PRELID2: variants seen among roughly 807,000 people sequenced by gnomAD.
The protein encoded by PRELID2 is PRELI domain containing 2, also known as PRELI domain-containing protein 2.
PRELID2 carries 25 observed loss-of-function variants against 28.4 expected under a neutral mutation model. The observed-to-expected ratio is 0.88, with a 90% CI of 0.64 to 1.23. The LOEUF (loss-of-function observed/expected upper bound fraction) is 1.23. PRELID2 is among the 50% of genes most tolerant of loss of function. The probability of loss-of-function intolerance (pLI) is 0.00; values close to 1 mark genes in which losing one functional copy is unlikely to be tolerated. For synonymous variants in PRELID2, 76 were observed against 71.6 expected, an observed-to-expected ratio of 1.06 and a Z score of -0.31; for missense variants, 201 against 214.4, an observed-to-expected ratio of 0.94 and a Z score of 0.39.
chr5:145,257,809 T>C, the PRELID2 span, among the ~76,000 whole-genome samples: 2 of 152,146 alleles, frequency 1.3e-5, no homozygotes, highest in African/African-American at 4.8e-5. Flanking sequence ...GCATATAATA[T>C]GGTTTTCATA....
chr5:145,403,352 A>G, the PRELID2 span, among the ~76,000 whole-genome samples: 1 of 152,236 alleles, frequency 6.6e-6, no homozygotes, highest in African/African-American at 2.4e-5. Flanking sequence ...AGCCTGGGCA[A>G]CATAGTGAGA....
the PRELID2 span, among the ~76,000 whole-genome samples, chr5:145,332,449 G>A: frequency 6.6e-6 from 1 of 152,028 alleles, no homozygotes; most frequent in Non-Finnish European, 1.5e-5. Context: ...ATATTTCTAG[G>A]AGGCTTTGTT....
the PRELID2 span, among the ~76,000 whole-genome samples, chr5:145,330,777 G>T: frequency 1.3e-5 from 2 of 152,140 alleles, no homozygotes; most frequent in Admixed American, 6.5e-5. Context: ...ATCTCCTTCA[G>T]TTCTGCTCCA....
At chr5:145,658,012 A>C (rs1311808891) in intron 1 of PRELID2, among the ~76,000 whole-genome samples, 1 of 152,168 alleles carries the variant, frequency 6.6e-6, no homozygotes, top group African/African-American at 2.4e-5. Context: ...TAACTTACCA[A>C]ATCACACAGT....
At chr5:145,346,097 A>G in the PRELID2 span, among the ~76,000 whole-genome samples, 1 of 152,110 alleles carries the variant, frequency 6.6e-6, no homozygotes, top group Non-Finnish European at 1.5e-5. Context: ...CCAGTCTGTG[A>G]CCTAGGGCAA....
intron 1 of PRELID2, among the ~76,000 whole-genome samples, chr5:145,693,477 T>C (rs1163360618): frequency 6.8e-6 from 1 of 147,220 alleles, no homozygotes; most frequent in African/African-American, 2.6e-5. Context: ...AAAAAAAAAA[T>C]AGACAAATTA....
chr5:145,712,760 C>T (rs535428092), intron 1 of PRELID2, among the ~76,000 whole-genome samples: 54 of 151,222 alleles, frequency 3.6e-4, no homozygotes, highest in Non-Finnish European at 6.0e-4. Context: ...TTTGAAAGAG[C>T]CAATATAAAT....
chr5:145,799,227 TAA>T (rs546513099), intron 4 of PRELID2, among the ~76,000 whole-genome samples: 91 of 134,082 alleles, frequency 6.8e-4, no homozygotes, highest in African/African-American at 2.1e-3. Flanking sequence ...ATACTGAAAT[TAA>T]AAAAAAAAAA....
intron 1 of PRELID2, among the ~76,000 whole-genome samples, chr5:145,491,033 T>C (rs1230244204): frequency 6.6e-6 from 1 of 152,130 alleles, no homozygotes; most frequent in Non-Finnish European, 1.5e-5. Context: ...TTTTGAAATC[T>C]TGATGACAGC....
Position 145,511,913 on chromosome 5 carries a change from G to A in PRELID2, n.71-38598C>T, listed in dbSNP as rs1367833652. On this transcript the variant is annotated intron_variant and non_coding_transcript_variant, in intron 1 of 2. Coordinates refer to the PRELID2 transcript ENST00000510259. Reference sequence around the variant, plus strand: ...GAGAGATTATGCTAGCTTGGACTGGGGCTAGCATACTTACTTACTGGGGCA... The same window carrying A: ...GAGAGATTATGCTAGCTTGGACTGGAGCTAGCATACTTACTTACTGGGGCA... 2.0e-5 allele frequency among the ~76,000 whole-genome samples: 3 copies of A among 152,212 alleles called. No individual in the cohort carries two copies. In the East Asian group the frequency reaches 5.8e-4, roughly 29 times the overall value.
intron 1 of PRELID2, among the ~76,000 whole-genome samples, chr5:145,479,659 G>T (rs1411405588): frequency 6.6e-6 from 1 of 152,204 alleles, no homozygotes; most frequent in Non-Finnish European, 1.5e-5. Context: ...TTGGACTAAT[G>T]TTGAATAATT....
the PRELID2 span, among the ~76,000 whole-genome samples, chr5:145,250,215 C>T: frequency 3.3e-5 from 5 of 152,028 alleles, no homozygotes; most frequent in South Asian, 2.1e-4. Flanking sequence ...AGACAACCTT[C>T]GTCAGCATGA....
the PRELID2 span, among the ~76,000 whole-genome samples, chr5:145,403,395 T>G: frequency 6.6e-6 from 1 of 151,976 alleles, no homozygotes; most frequent in East Asian, 1.9e-4. Flanking sequence ...ATTAAAAATT[T>G]TAGAAAAAAA....
intron 1 of PRELID2, among the ~76,000 whole-genome samples, chr5:145,568,290 A>T (rs184582650): frequency 1.3e-5 from 2 of 152,120 alleles, no homozygotes; most frequent in East Asian, 3.8e-4. Context: ...TTCTCCCCCA[A>T]TCTCCCCCGG....
the PRELID2 span, among the ~76,000 whole-genome samples, chr5:145,327,190 T>C: frequency 6.6e-6 from 1 of 152,184 alleles, no homozygotes; most frequent in African/African-American, 2.4e-5. Context: ...TTGTCTGTAT[T>C]ATTAATTCAT....
intron 1 of PRELID2, among the ~76,000 whole-genome samples, chr5:145,578,865 G>A (rs947779130): frequency 6.6e-6 from 1 of 152,194 alleles, no homozygotes; most frequent in Admixed American, 6.6e-5. Context: ...TTTTATAAAT[G>A]AGTAAACAGA....
the PRELID2 span, chr5:145,441,235 C>T: frequency 6.6e-6 from 1 of 152,032 alleles, no homozygotes; most frequent in Non-Finnish European, 1.5e-5. Flanking sequence ...AACATTAGCA[C>T]CTAAGGCCAA....
At chr5:145,381,742 T>C in the PRELID2 span, 1 of 152,310 alleles carries the variant, frequency 6.6e-6, no homozygotes, top group African/African-American at 2.4e-5. Flanking sequence ...AAGACATTCT[T>C]ATAAAAGTAA....
the PRELID2 span, among the ~76,000 whole-genome samples, chr5:145,464,230 G>A: frequency 6.6e-6 from 1 of 152,118 alleles, no homozygotes; most frequent in African/African-American, 2.4e-5. Context: ...AAGCCTAAGA[G>A]CTAATGCAGC....
Sources: allele counts gnomAD v4.1 joint callset (sites outside exome capture counted in the v4.1 genomes callset), GRCh38; gene constraint gnomAD v4.1.1; transcripts MANE v1.5; gene names NCBI Gene and HGNC (gene_info 2026-07-23, HGNC 2026-07-21).